ATP6V1C2: variants seen among roughly 807,000 people sequenced by gnomAD.
The protein encoded by ATP6V1C2 is ATPase H+ transporting V1 subunit C2.
ATP6V1C2 carries 45 observed loss-of-function variants against 56.8 expected under a neutral mutation model. The ratio of observed to expected loss-of-function variants is 0.79; its 90% confidence interval spans 0.62 to 1.02. The LOEUF (loss-of-function observed/expected upper bound fraction) is 1.02, where lower values mean the gene tolerates loss of function less well. ATP6V1C2 is among the 50% of genes least tolerant of loss of function. ATP6V1C2 has a pLI of 0.00. For synonymous variants in ATP6V1C2, 220 were observed against 201.3 expected (o/e 1.09, Z -0.79); for missense variants, 463 against 519.7 (o/e 0.89, Z 1.06).
At position 10,726,870 on chromosome 2, in the gene ATP6V1C2, T is replaced by C. The variant is rs118170655; in HGVS notation, c.197+301T>C. On this transcript the variant is annotated intron_variant, in intron 3 of 13. Coordinates refer to ENST00000272238, the MANE Select transcript of ATP6V1C2 (RefSeq NM_001039362.2). ...GGTGTAGTTTCCCACCAAGCCTTTT[T>C]AAGTTTGTTTATTTTTTAGTAATAA... 5.4e-4 allele frequency among the ~76,000 whole-genome samples: 82 copies of C among 152,256 alleles called. 1 individual carries two copies. The East Asian group carries it at 0.014, about 27-fold the overall frequency.
At chr2:10,724,865 G>T (rs1307828200) in intron 2 of ATP6V1C2, among the ~76,000 whole-genome samples, 1 of 151,928 alleles carries the variant, frequency 6.6e-6, no homozygotes. Flanking sequence ...TAGAGACGGG[G>T]TGTCACCAGG....
chr2:10,769,337 T>C (rs1664438581), intron 6 of ATP6V1C2, among the ~76,000 whole-genome samples: 1 of 152,066 alleles, frequency 6.6e-6, no homozygotes. Context: ...CAGAGAAAAG[T>C]GTAAGCTCAG....
intron 3 of ATP6V1C2, among the ~76,000 whole-genome samples, chr2:10,735,421 C>T (rs1036015496): frequency 3.3e-5 from 5 of 152,088 alleles, no homozygotes; most frequent in Admixed American, 6.6e-5. Context: ...CTGCCCACCC[C>T]GTCGGCCTCC....
Position 10,721,705 on chromosome 2 carries a change from G to C in ATP6V1C2, c.-53G>C, listed in dbSNP as rs1661365932. The C allele has an allele frequency of 6.6e-6, 1 of 151,744 alleles. No individual in the cohort carries two copies. Among genetic ancestry groups the C allele is most frequent in the South Asian group, 2.0e-4 (1 of 4,992 alleles). The allele number at this position is 151,744 out of a possible 1,614,324, so 9.4% of individuals were successfully genotyped here. On this transcript the variant is annotated 5_prime_UTR_variant, in exon 1 of 14. Coordinates refer to ENST00000272238, the MANE Select transcript of ATP6V1C2 (RefSeq NM_001039362.2). Reference sequence around the variant, plus strand: ...CGCCCGTCGCCCGCAGCCCCCTACCGCGCGGCCCGCGCCCCGCCGGCTCCC... The same window carrying C: ...CGCCCGTCGCCCGCAGCCCCCTACCCCGCGGCCCGCGCCCCGCCGGCTCCC...
chr2:10,765,660 G>C (rs892937094), intron 5 of ATP6V1C2, among the ~76,000 whole-genome samples: 2 of 152,256 alleles, frequency 1.3e-5, no homozygotes, highest in African/African-American at 4.8e-5. Flanking sequence ...ATTCTGGAAG[G>C]CCCTTCAAGG....
chr2:10,770,312 C>T (rs1226607844), intron 6 of ATP6V1C2, among the ~76,000 whole-genome samples: 1 of 152,256 alleles, frequency 6.6e-6, no homozygotes, highest in African/African-American at 2.4e-5. Flanking sequence ...GCAGGAGAAT[C>T]GCTTGAACCC....
intron 7 of ATP6V1C2, 145 bp downstream of exon 7, chr2:10,772,082 C>T: frequency 1.4e-6 from 1 of 714,894 alleles, no homozygotes; most frequent in Non-Finnish European, 2.4e-6. Flanking sequence ...TGGGGCCCTG[C>T]CTGCGGCTGT....
intron 12 of ATP6V1C2, 128 bp from the exon 13 acceptor site, chr2:10,782,103 GCATTTTGCTCGA>G: frequency 5.2e-6 from 5 of 960,930 alleles, no homozygotes; most frequent in Admixed American, 2.4e-5. Context: ...CTGACCCTAG[GCATTTTGCTCGA>G]GTTTGACTTT....
chr2:10,722,973 T>G lies in ATP6V1C2; in HGVS notation c.124T>G (p.Phe42Val), dbSNP rs757706515. 6.2e-7 allele frequency: 1 copy of G among 1,613,852 alleles called. No homozygotes were observed. The highest frequency in any genetic ancestry group is 8.5e-7 in the Non-Finnish European group (1 of 1,179,920). ...SYNTKFAIPD[F>V]KVGTLDSLVG... is the part of the protein sequence containing the mutation. ...TAATACCAAATTCGCTATTCCTGACTTCAAGGTAAAATTCTTGGGGAGGAG... is the reference window on the plus strand; with the variant it reads ...TAATACCAAATTCGCTATTCCTGACGTCAAGGTAAAATTCTTGGGGAGGAG... The change falls in exon 2 of 14, where the codon TTC becomes GTC. Residue 42 changes from phenylalanine to valine, a missense_variant. Coordinates refer to ENST00000272238, the MANE Select transcript of ATP6V1C2 (RefSeq NM_001039362.2).
At chr2:10,772,694 G>C in intron 8 of ATP6V1C2, 84 bp downstream of exon 8, 1 of 1,201,774 alleles carries the variant, frequency 8.3e-7, no homozygotes, top group Non-Finnish European at 1.2e-6. Flanking sequence ...AACATGCCCC[G>C]AGGGTGTGAG....
intron 2 of ATP6V1C2, among the ~76,000 whole-genome samples, chr2:10,725,393 A>G (rs968680024): frequency 6.0e-5 from 9 of 151,246 alleles, no homozygotes; most frequent in Non-Finnish European, 1.2e-4. Flanking sequence ...AACAACAACA[A>G]CAAAAAAAAC....
rs1380085964 is a variant in ATP6V1C2, at chr2:10,774,778, T to C, written c.639-10T>C. The C allele has an allele frequency of 6.2e-7, 1 of 1,612,782 alleles. No homozygotes were observed. Among genetic ancestry groups the C allele is most frequent in the African/African-American group, 1.3e-5 (1 of 75,020 alleles). ...AGTGAGTCCAGCCAACAGATGCTTC[T>C]CTCCAACAGACTCATTACTGAGGAC... is the stretch of plus-strand genomic sequence containing the variant. On this transcript the variant is annotated splice_polypyrimidine_tract_variant and intron_variant, in intron 8 of 13. Transcript: ENST00000272238.
At position 10,748,853 on chromosome 2, in the gene ATP6V1C2, G is replaced by A. The variant is rs562414171; in HGVS notation, c.198-5128G>A. 3.4e-3 allele frequency among the ~76,000 whole-genome samples: 512 copies of A among 152,142 alleles called. 4 individuals carry two copies. Among genetic ancestry groups the A allele is most frequent in the African/African-American group, 0.012 (485 of 41,502 alleles). ...TCTCAAGAATGGAGTCTTCTGGCTGGACACGGTGGCACATGCCTGTAATCC... is the reference window on the plus strand; with the variant it reads ...TCTCAAGAATGGAGTCTTCTGGCTGAACACGGTGGCACATGCCTGTAATCC... On this transcript the variant is annotated intron_variant, in intron 3 of 13. Transcript: ENST00000272238.
intron 3 of ATP6V1C2, among the ~76,000 whole-genome samples, chr2:10,727,563 C>T (rs28684877): frequency 6.6e-6 from 1 of 151,768 alleles, no homozygotes; most frequent in African/African-American, 2.4e-5. Flanking sequence ...CTCAAACAAA[C>T]AAACAAAAAC....
chr2:10,780,315 ACT>A lies in ATP6V1C2; in HGVS notation c.1061+1653_1061+1654del, dbSNP rs1158960338. Reference sequence around the variant, plus strand: ...CAGGCCCGGTCCACTCCGCCTTTGCACTCTCTCTTTCACGGGTCTGGCCCCAC... The same window carrying A: ...CAGGCCCGGTCCACTCCGCCTTTGCACTCTCTTTCACGGGTCTGGCCCCAC... On this transcript the variant is annotated intron_variant, in intron 12 of 13. Transcript: ENST00000272238. The surrounding 1 kb of genome is among the most constrained non-coding windows in gnomAD (Gnocchi z 4.1). Among the ~76,000 whole-genome samples the A allele has an allele frequency of 1.3e-5, 2 of 151,676 alleles. No individual in the cohort carries two copies. Among genetic ancestry groups the A allele is most frequent in the South Asian group, 2.1e-4 (1 of 4,810 alleles).
chr2:10,750,536 AAAAAC>A (rs57275881), intron 3 of ATP6V1C2, among the ~76,000 whole-genome samples: 1,885 of 150,708 alleles, frequency 0.013, 33 homozygotes, highest in African/African-American at 0.045. Context: ...AGCAAAAAAA[AAAAAC>A]AAAACAAAAC....
At chr2:10,775,582 T>A (rs566674487) in intron 10 of ATP6V1C2, among the ~76,000 whole-genome samples, 166 of 152,078 alleles carry the variant, frequency 1.1e-3, no homozygotes, top group African/African-American at 3.8e-3. Flanking sequence ...GCGGAGAGGG[T>A]GCTTATCTGG....
chr2:10,752,562 T>G (rs1663281681), intron 3 of ATP6V1C2, among the ~76,000 whole-genome samples: 1 of 152,248 alleles, frequency 6.6e-6, no homozygotes, highest in African/African-American at 2.4e-5. Context: ...CAACTGGAGT[T>G]CTAATGGCTT....
chr2:10,768,908 C>A, intron 6 of ATP6V1C2, 98 bp downstream of exon 6: 3 of 946,056 alleles, frequency 3.2e-6, no homozygotes, highest in South Asian at 1.4e-5. Flanking sequence ...AGTCTGTGCC[C>A]ATGCATGAGA....
Sources: gnomAD v4.1 joint callset for allele counts (sites outside exome capture counted in the v4.1 genomes callset) on GRCh38, gnomAD v4.1.1 for gene constraint, Gnocchi (gnomAD v3.1) non-coding constraint, MANE v1.5 for transcripts, NCBI Gene and HGNC (gene_info 2026-07-23, HGNC 2026-07-21) for gene names.